SNX5: variants seen among roughly 807,000 people sequenced by gnomAD.
The protein encoded by SNX5 is sorting nexin-5.
A neutral mutation model predicts 53.9 loss-of-function variants in SNX5; 31 were observed. The observed-to-expected ratio is 0.58, with a 90% CI of 0.43 to 0.78. The LOEUF (loss-of-function observed/expected upper bound fraction) is 0.78. SNX5 is among the 30% of genes least tolerant of loss of function. The pLI, the probability that SNX5 is intolerant of heterozygous loss-of-function variation, is 0.00. For missense variants in SNX5, 471 were observed against 478.8 expected, an observed-to-expected ratio of 0.98 and a Z score of 0.15; for synonymous variants, 168 against 171.1, an observed-to-expected ratio of 0.98 and a Z score of 0.14.
chr20:17,968,135 T>A (rs1184695977), intron 1 of SNX5: 1 of 400,158 alleles, frequency 2.5e-6, no homozygotes, highest in African/African-American at 2.1e-5. Flanking sequence ...GCGCCTGAGC[T>A]GGGGCTAAGG....
At position 17,951,473 on chromosome 20, in the gene SNX5, T is replaced by C. The variant is rs754493030; in HGVS notation, c.609+27A>G. ...ACCTATTCCCGATGAAGTAAAAAAT[T>C]TTCTCCAACAGCCAAAGGTCACTTA... is the stretch of plus-strand genomic sequence containing the variant. On this transcript the variant is annotated intron_variant, in intron 6 of 12. Coordinates refer to ENST00000377759, the MANE Select transcript of SNX5 (RefSeq NM_014426.4). 1.1e-4 allele frequency: 167 copies of C among 1,475,268 alleles called. No homozygotes were observed. In the Middle Eastern group the frequency reaches 1.4e-3, roughly 13 times the overall value. 91.4% of individuals were successfully genotyped at this position (1,475,268 alleles called of 1,614,324 possible).
At chr20:17,966,729 CACATTTCAGGTAACACACAAA>C (rs1347706797) in intron 1 of SNX5, among the ~76,000 whole-genome samples, 1 of 152,168 alleles carries the variant, frequency 6.6e-6, no homozygotes, top group Admixed American at 6.5e-5. Context: ...TTAAGTAACA[CACATTTCAGGTAACACACAAA>C]ACATTTCAGT....
intron 10 of SNX5, 47 bp from the exon 11 acceptor site, chr20:17,947,692 C>A: frequency 6.6e-7 from 1 of 1,521,808 alleles, no homozygotes; most frequent in South Asian, 1.3e-5. Flanking sequence ...CTAAACCAGT[C>A]TAAAAAATAG....
intron 1 of SNX5, among the ~76,000 whole-genome samples, chr20:17,958,623 C>G (rs1323392163): frequency 1.3e-5 from 2 of 148,584 alleles, no homozygotes; most frequent in African/African-American, 5.3e-5. Flanking sequence ...TTTTCTTCCA[C>G]ATGAATTCTT....
intron 11 of SNX5, among the ~76,000 whole-genome samples, chr20:17,945,871 T>C (rs2039481810): frequency 6.6e-6 from 1 of 152,182 alleles, no homozygotes; most frequent in Non-Finnish European, 1.5e-5. Flanking sequence ...TATGTCTAGA[T>C]TACCCTACCA....
intron 1 of SNX5, among the ~76,000 whole-genome samples, chr20:17,959,015 A>T (rs1414104087): frequency 6.6e-6 from 1 of 152,176 alleles, no homozygotes; most frequent in African/African-American, 2.4e-5. Flanking sequence ...CCTTTCCCAG[A>T]GCTCAAAAAC....
chr20:17,949,843 C>T (rs1263046184), intron 8 of SNX5, among the ~76,000 whole-genome samples: 1 of 152,188 alleles, frequency 6.6e-6, no homozygotes, highest in Non-Finnish European at 1.5e-5. Context: ...GCAAGATAAA[C>T]TCTTACAAAC....
intron 11 of SNX5, chr20:17,944,087 G>A (rs1163005782): frequency 2.0e-5 from 3 of 152,110 alleles, no homozygotes; most frequent in Admixed American, 6.6e-5. Flanking sequence ...AATAAACCAG[G>A]CACAGAAAGA....
intron 1 of SNX5, chr20:17,962,788 C>T (rs1463270738): frequency 3.9e-6 from 2 of 519,216 alleles, no homozygotes; most frequent in Non-Finnish European, 3.8e-6. Context: ...CCATTCTTAC[C>T]GGTAGCCTGC....
intron 1 of SNX5, among the ~76,000 whole-genome samples, chr20:17,957,685 T>C (rs1023435576): frequency 2.6e-5 from 4 of 152,064 alleles, no homozygotes; most frequent in African/African-American, 7.2e-5. Context: ...CAAAGTACAA[T>C]GAACATTCAA....
chr20:17,966,322 T>A (rs1164169569), intron 1 of SNX5, among the ~76,000 whole-genome samples: 1 of 151,680 alleles, frequency 6.6e-6, no homozygotes, highest in Non-Finnish European at 1.5e-5. Context: ...AAAGCGGAAG[T>A]TGCAGTGAGC....
chr20:17,950,159 G>A lies in SNX5; in HGVS notation c.764C>T (p.Ala255Val). The A allele has an allele frequency of 1.9e-6, 3 of 1,614,146 alleles. No individual in the cohort carries two copies. The highest frequency in any genetic ancestry group is 1.7e-6 in the Non-Finnish European group (2 of 1,180,004). Reference protein sequence around the residue: ...IHTAACLHSLALEEPTVIKKY... With the variant: ...IHTAACLHSLVLEEPTVIKKY... ...TTTGATGACTGTGGGCTCTTCTAAA[G>A]CCAGGCTATGTAAGCAGGCTGCGGT... The change falls in exon 8 of 13, where the codon GCT becomes GTT. Residue 255 changes from alanine (A) to valine (V), a missense_variant. Transcript: ENST00000377759.
In SNX5 at chr20:17,948,900, T is replaced by G; in HGVS notation, c.908A>C (p.Glu303Ala). Residue 303 changes from glutamate (E) to alanine (A), a missense_variant, in exon 10 of 13, where the codon GAA becomes GCA. Physicochemically the swap from Glu to Ala is moderately radical, Grantham distance 107. Transcript: ENST00000377759. ...CAACTCTCTTCCTACCTTAGCAGCT[T>G]CAATGTTGAGCATGTAGTATCGGAG... ...ELLRYYMLNI[E>A]AAKDLLYRRT... 6.2e-7 allele frequency: 1 copy of G among 1,611,938 alleles called. No homozygotes were observed. Among genetic ancestry groups the G allele is most frequent in the African/African-American group, 1.3e-5 (1 of 74,990 alleles).
At chr20:17,963,150 A>G (rs776522974) in intron 1 of SNX5, among the ~76,000 whole-genome samples, 14 of 152,236 alleles carry the variant, frequency 9.2e-5, no homozygotes, top group Non-Finnish European at 1.9e-4. Context: ...GAATCAATAC[A>G]CCACTGCTAC....
At chr20:17,963,977 G>GGA (rs2035497844) in intron 1 of SNX5, among the ~76,000 whole-genome samples, 1 of 152,110 alleles carries the variant, frequency 6.6e-6, no homozygotes, top group African/African-American at 2.4e-5. Context: ...CTCAGACCAG[G>GGA]GGCCCATTCA....
intron 1 of SNX5, among the ~76,000 whole-genome samples, chr20:17,958,886 T>C (rs980123949): frequency 1.3e-5 from 2 of 152,228 alleles, no homozygotes; most frequent in African/African-American, 4.8e-5. Flanking sequence ...TCTACTGATC[T>C]TAGGCTTATC....
chr20:17,963,768 C>T (rs1401253635), intron 1 of SNX5, among the ~76,000 whole-genome samples: 1 of 152,198 alleles, frequency 6.6e-6, no homozygotes, highest in African/African-American at 2.4e-5. Flanking sequence ...ATAGGTTTGA[C>T]AATTTACCTT....
intron 1 of SNX5, chr20:17,967,826 A>G (rs2035577322): frequency 5.3e-6 from 2 of 380,816 alleles, no homozygotes; most frequent in Non-Finnish European, 9.3e-6. Flanking sequence ...CAAGTATTTG[A>G]GCACCTACTA....
chr20:17,960,949 A>G (rs1171807018), intron 1 of SNX5, among the ~76,000 whole-genome samples: 1 of 152,176 alleles, frequency 6.6e-6, no homozygotes, highest in East Asian at 1.9e-4. Flanking sequence ...GTTTCAGTTC[A>G]TGATGTACTT....
Sources: allele counts gnomAD v4.1 joint callset (sites outside exome capture counted in the v4.1 genomes callset), GRCh38; gene constraint gnomAD v4.1.1; transcripts MANE v1.5; gene names NCBI Gene and HGNC (gene_info 2026-07-23, HGNC 2026-07-21).